USH2A: variants seen among roughly 807,000 people sequenced by gnomAD.
The protein encoded by USH2A is Usher syndrome 2A (autosomal recessive, mild).
Under a neutral mutation model 538.9 loss-of-function variants are expected in USH2A, and 443 were observed. The observed-to-expected ratio is 0.82, with a 90% CI of 0.76 to 0.89. The LOEUF (loss-of-function observed/expected upper bound fraction) is 0.89, where lower values mean the gene tolerates loss of function less well. Among genes scored for constraint, USH2A ranks in the 40% least tolerant of loss-of-function variants. The pLI, the probability that USH2A is intolerant of heterozygous loss-of-function variation, is 0.00. For synonymous variants in USH2A, 2,413 were observed against 2,273.5 expected (o/e 1.06, Z -1.75); for missense variants, 6,633 against 6,324.8 (o/e 1.05, Z -1.65).
intron 64 of USH2A, among the ~76,000 whole-genome samples, chr1:215,658,343 T>C (rs376107142): frequency 1.3e-5 from 2 of 152,002 alleles, no homozygotes; most frequent in Non-Finnish European, 2.9e-5. Flanking sequence ...AAAGTAGTTT[T>C]GGGGTTTATT....
At chr1:216,201,375 C>A (rs562650862) in intron 16 of USH2A, among the ~76,000 whole-genome samples, 1 of 148,976 alleles carries the variant, frequency 6.7e-6, no homozygotes, top group African/African-American at 2.5e-5. Context: ...GTGGCACAAT[C>A]TCGGCTCACT....
At chr1:216,238,462 GATATGTGTACATTCATAT>G (rs1218472742) in intron 13 of USH2A, among the ~76,000 whole-genome samples, 1 of 152,022 alleles carries the variant, frequency 6.6e-6, no homozygotes, top group Non-Finnish European at 1.5e-5. Flanking sequence ...TATTAGTGTG[GATATGTGTACATTCATAT>G]ATGTACACAC....
At chr1:216,007,546 C>T (rs1166231278) in intron 32 of USH2A, among the ~76,000 whole-genome samples, 2 of 152,160 alleles carry the variant, frequency 1.3e-5, no homozygotes, top group Non-Finnish European at 2.9e-5. Context: ...GGCCCTGACC[C>T]CTGTTTTCAA....
At chr1:216,200,406 G>C (rs2034958508) in intron 16 of USH2A, among the ~76,000 whole-genome samples, 1 of 152,106 alleles carries the variant, frequency 6.6e-6, no homozygotes, top group African/African-American at 2.4e-5. Context: ...AGGTCTAAGA[G>C]AAAGTCCTTG....
chr1:215,970,363 T>G (rs1292735322), intron 36 of USH2A, among the ~76,000 whole-genome samples: 4 of 152,204 alleles, frequency 2.6e-5, no homozygotes, highest in Non-Finnish European at 5.9e-5. Context: ...AATTTCATGT[T>G]TGCCTACTAC....
chr1:215,701,666 C>T lies in USH2A; in HGVS notation c.12067-21290G>A, dbSNP rs184006500. On this transcript the variant is annotated intron_variant, in intron 61 of 71. Coordinates refer to ENST00000307340, the MANE Select transcript of USH2A (RefSeq NM_206933.4). ...CCCTGCTTTTTTTGCTTTCCATTTG[C>T]TTGGTAAATATTCCTCCATCCCTTC... Among the ~76,000 whole-genome samples the T allele has an allele frequency of 6.4e-3, 970 of 152,226 alleles. 9 individuals are homozygous for T. The highest frequency in any genetic ancestry group is 0.022 in the African/African-American group (929 of 41,530).
At chr1:216,415,513 T>C (rs1376432355) in intron 3 of USH2A, among the ~76,000 whole-genome samples, 1 of 11,992 alleles carries the variant, frequency 8.3e-5, no homozygotes, top group East Asian at 4.2e-3. Flanking sequence ...TGTCACTTTT[T>C]TTTTTTTTTT....
chr1:215,885,677 A>C (rs1342901056), intron 41 of USH2A, among the ~76,000 whole-genome samples: 1 of 152,192 alleles, frequency 6.6e-6, no homozygotes, highest in Non-Finnish European at 1.5e-5. Context: ...ATACCAAGTC[A>C]TATCACCTCT....
intron 21 of USH2A, among the ~76,000 whole-genome samples, chr1:216,165,674 A>G (rs1200483540): frequency 3.9e-5 from 6 of 152,178 alleles, no homozygotes; most frequent in Non-Finnish European, 8.8e-5. Context: ...CCTCTTTTCT[A>G]TCACTCATTT....
intron 23 of USH2A, among the ~76,000 whole-genome samples, chr1:216,088,535 G>T (rs775475278): frequency 1.7e-4 from 26 of 152,104 alleles, no homozygotes; most frequent in Non-Finnish European, 3.8e-4. Context: ...ACATAAATGT[G>T]GCAGATAGGG....
At chr1:215,776,670 C>CT (rs1661478539) in intron 55 of USH2A, among the ~76,000 whole-genome samples, 2 of 152,038 alleles carry the variant, frequency 1.3e-5, no homozygotes, top group Admixed American at 6.6e-5. Context: ...AACATTTATC[C>CT]TAGGGGGTTC....
chr1:215,960,467 A>G (rs1003869775), intron 37 of USH2A, among the ~76,000 whole-genome samples: 5 of 152,148 alleles, frequency 3.3e-5, no homozygotes, highest in African/African-American at 4.8e-5. Context: ...AAGATGTTGT[A>G]AAGTGATCAC....
intron 21 of USH2A, among the ~76,000 whole-genome samples, chr1:216,103,940 C>A (rs181573157): frequency 6.6e-6 from 1 of 152,284 alleles, no homozygotes; most frequent in Non-Finnish European, 1.5e-5. Flanking sequence ...AACTCTCATA[C>A]ATGCTAATGT....
chr1:216,198,021 C>A (rs1172376151), intron 18 of USH2A, among the ~76,000 whole-genome samples: 1 of 152,040 alleles, frequency 6.6e-6, no homozygotes, highest in African/African-American at 2.4e-5. Context: ...GGAGTGGAAA[C>A]CAAATGCTAT....
intron 64 of USH2A, among the ~76,000 whole-genome samples, chr1:215,662,606 G>T (rs1657475694): frequency 6.6e-6 from 1 of 152,234 alleles, no homozygotes; most frequent in South Asian, 2.1e-4. Flanking sequence ...CAGGCCCTGG[G>T]CCTAGTGGCG....
At chr1:215,913,557 A>G (rs1008473337) in intron 38 of USH2A, among the ~76,000 whole-genome samples, 1 of 152,110 alleles carries the variant, frequency 6.6e-6, no homozygotes, top group Non-Finnish European at 1.5e-5. Flanking sequence ...TCTGAAATGT[A>G]TACGAAGGAG....
chr1:216,349,998 C>A (rs1029342409), intron 4 of USH2A, among the ~76,000 whole-genome samples: 2 of 152,074 alleles, frequency 1.3e-5, no homozygotes, highest in African/African-American at 4.8e-5. Flanking sequence ...AAGGATAGTG[C>A]TAATATCTGT....
intron 55 of USH2A, among the ~76,000 whole-genome samples, chr1:215,771,373 G>A (rs1204404149): frequency 1.3e-4 from 20 of 151,292 alleles, no homozygotes; most frequent in Non-Finnish European, 2.2e-4. Flanking sequence ...GAGGTCAGGA[G>A]ATCGAGACCA....
chr1:215,934,627 A>G lies in USH2A; in HGVS notation c.7289T>C (p.Met2430Thr). The G allele has an allele frequency of 6.2e-7, 1 of 1,610,870 alleles. No individual in the cohort carries two copies. ...SLITDPITIA[M>T]PPGAPDGVLP... ...TTGCATAGACTTACCTCCTGGAGGC[A>G]TTGCAATTGTTATAGGATCAGTTAT... Residue 2430 changes from methionine (M) to threonine (T), a missense_variant, in exon 38 of 72, where the codon ATG becomes ACG. Coordinates refer to ENST00000307340, the MANE Select transcript of USH2A (RefSeq NM_206933.4).
Sources: gnomAD v4.1 joint callset for allele counts (sites outside exome capture counted in the v4.1 genomes callset) on GRCh38, gnomAD v4.1.1 for gene constraint, MANE v1.5 for transcripts, NCBI Gene and HGNC (gene_info 2026-07-23, HGNC 2026-07-21) for gene names.